The following PLCB1 variants were observed in gnomAD, a reference collection of about 807,000 sequenced individuals.
The protein encoded by PLCB1 is 1-phosphatidylinositol 4,5-bisphosphate phosphodiesterase beta-1.
Under a neutral mutation model 161.8 loss-of-function variants are expected in PLCB1, and 46 were observed. That is an observed-to-expected ratio of 0.28 (90% CI 0.22 to 0.36). PLCB1 has a LOEUF of 0.36. PLCB1 is among the 10% of genes least tolerant of loss of function. The pLI, the probability that PLCB1 is intolerant of heterozygous loss-of-function variation, is 1.00. For synonymous variants in PLCB1, 517 were observed against 503.7 expected (o/e 1.03, Z -0.35); for missense variants, 1,016 against 1,472.5 (o/e 0.69, Z 5.07).
At chr20:8,787,259 C>A (rs1220181256) in intron 27 of PLCB1, among the ~76,000 whole-genome samples, 2 of 152,170 alleles carry the variant, frequency 1.3e-5, no homozygotes, top group Non-Finnish European at 2.9e-5. Flanking sequence ...CCAAGTTCCA[C>A]CCAGGAAGAG....
intron 3 of PLCB1, among the ~76,000 whole-genome samples, chr20:8,447,278 GCCTGGGTTTTACTCA>G (rs1464681534): frequency 6.6e-6 from 1 of 152,158 alleles, no homozygotes; most frequent in Non-Finnish European, 1.5e-5. Context: ...AGATTTAGGG[GCCTGGGTTTTACTCA>G]CATCTTCCTC....
chr20:8,441,296 G>A (rs775892427), intron 3 of PLCB1, among the ~76,000 whole-genome samples: 1 of 152,062 alleles, frequency 6.6e-6, no homozygotes, highest in South Asian at 2.1e-4. Context: ...TACACTTACC[G>A]ACCATAATAG....
intron 2 of PLCB1, among the ~76,000 whole-genome samples, chr20:8,286,493 A>G (rs539328414): frequency 6.6e-6 from 1 of 152,200 alleles, no homozygotes; most frequent in African/African-American, 2.4e-5. Flanking sequence ...CATAGAAGCA[A>G]TATATACATA....
chr20:8,184,648 CA>C (rs1423505137), intron 2 of PLCB1, among the ~76,000 whole-genome samples: 1 of 151,534 alleles, frequency 6.6e-6, no homozygotes, highest in Non-Finnish European at 1.5e-5. Flanking sequence ...ATTGGAAATG[CA>C]AAAAGTCTTC....
At chr20:8,160,741 C>G (rs893661402) in intron 2 of PLCB1, among the ~76,000 whole-genome samples, 2 of 152,106 alleles carry the variant, frequency 1.3e-5, no homozygotes. Flanking sequence ...TTGTCAAGCT[C>G]TTTCTATATT....
At chr20:8,166,548 C>T (rs2051677314) in intron 2 of PLCB1, among the ~76,000 whole-genome samples, 1 of 152,120 alleles carries the variant, frequency 6.6e-6, no homozygotes, top group South Asian at 2.1e-4. Context: ...TACATTGGCT[C>T]CCAATTTCAT....
chr20:8,529,189 A>T (rs1984700016), intron 3 of PLCB1, among the ~76,000 whole-genome samples: 1 of 152,120 alleles, frequency 6.6e-6, no homozygotes, highest in Non-Finnish European at 1.5e-5. Context: ...ATCTGTAGTA[A>T]CATCATAATT....
chr20:8,236,810 G>A (rs942035855), intron 2 of PLCB1, among the ~76,000 whole-genome samples: 1 of 151,888 alleles, frequency 6.6e-6, no homozygotes, highest in Non-Finnish European at 1.5e-5. Flanking sequence ...ATGGGTAAAC[G>A]ATATGAATGG....
At chr20:8,551,323 A>T (rs1248919772) in intron 3 of PLCB1, among the ~76,000 whole-genome samples, 3 of 152,228 alleles carry the variant, frequency 2.0e-5, no homozygotes, top group Non-Finnish European at 4.4e-5. Flanking sequence ...ACATAGCCTC[A>T]GACTTTTATT....
rs556630700 is a variant in PLCB1 at position 8,818,327 on chromosome 20, G to A, written c.3423+28066G>A. Among the ~76,000 whole-genome samples, 14 of 152,296 alleles carry A rather than the reference G, an allele frequency of 9.2e-5. 1 individual carries two copies. The South Asian group carries it at 2.9e-3, about 32-fold the overall frequency. Reference sequence around the variant, plus strand: ...AGCCCAGGAAGACAAAAGATGGGGAGCAAGGATACAGTGAGGACTGAGGGT... The same window carrying A: ...AGCCCAGGAAGACAAAAGATGGGGAACAAGGATACAGTGAGGACTGAGGGT... On this transcript the variant is annotated intron_variant, in intron 31 of 31. Transcript: ENST00000338037.
intron 2 of PLCB1, among the ~76,000 whole-genome samples, chr20:8,156,754 A>G (rs921584785): frequency 3.9e-5 from 6 of 152,168 alleles, no homozygotes; most frequent in Admixed American, 3.9e-4. Context: ...CATTATCTAT[A>G]AGGTGGGTAT....
chr20:8,519,605 G>T (rs534668645), intron 3 of PLCB1, among the ~76,000 whole-genome samples: 29 of 152,130 alleles, frequency 1.9e-4, no homozygotes, highest in African/African-American at 6.5e-4. Context: ...TTGTATAATT[G>T]CCTAGTTTCC....
chr20:8,512,218 G>A (rs1325270396), intron 3 of PLCB1, among the ~76,000 whole-genome samples: 2 of 152,096 alleles, frequency 1.3e-5, no homozygotes, highest in Non-Finnish European at 2.9e-5. Context: ...CTTTTAGTAC[G>A]TTCTGATTCA....
chr20:8,669,685 A>C (rs559998115), intron 9 of PLCB1, among the ~76,000 whole-genome samples: 1 of 152,182 alleles, frequency 6.6e-6, no homozygotes, highest in African/African-American at 2.4e-5. Context: ...GATGTGCTGA[A>C]GGCATCTGAA....
chr20:8,673,289 A>C (rs1989995799), intron 9 of PLCB1, among the ~76,000 whole-genome samples: 3 of 152,230 alleles, frequency 2.0e-5, no homozygotes, highest in Admixed American at 1.3e-4. Flanking sequence ...CTGATGGAGC[A>C]GGTGGCTCGC....
intron 3 of PLCB1, among the ~76,000 whole-genome samples, chr20:8,511,724 A>G (rs74911776): frequency 0.013 from 1,928 of 152,280 alleles, 25 homozygotes; most frequent in Non-Finnish European, 0.021. Flanking sequence ...TCTAACAGGT[A>G]TGAGCTGATA....
intron 9 of PLCB1, among the ~76,000 whole-genome samples, chr20:8,665,223 A>T (rs1989781446): frequency 6.6e-6 from 1 of 152,218 alleles, no homozygotes; most frequent in Non-Finnish European, 1.5e-5. Context: ...AACTTCTTTG[A>T]CTAGCCCTGC....
chr20:8,700,803 G>A (rs1405751870), intron 11 of PLCB1, among the ~76,000 whole-genome samples: 1 of 152,072 alleles, frequency 6.6e-6, no homozygotes, highest in Admixed American at 6.6e-5. Flanking sequence ...CATCCCAGTT[G>A]GTTTTTCCAG....
chr20:8,775,732 C>G (rs1180218744), intron 27 of PLCB1, among the ~76,000 whole-genome samples: 1 of 152,190 alleles, frequency 6.6e-6, no homozygotes, highest in Non-Finnish European at 1.5e-5. Context: ...GAATCAGAAT[C>G]ACCTGGAGAG....
Sources: gnomAD v4.1 joint callset for allele counts (sites outside exome capture counted in the v4.1 genomes callset) on GRCh38, gnomAD v4.1.1 for gene constraint, MANE v1.5 for transcripts, NCBI Gene and HGNC (gene_info 2026-07-23, HGNC 2026-07-21) for gene names.